CALN1: variants seen among roughly 807,000 people sequenced by gnomAD.
CALN1 encodes the protein calcium-binding protein 8.
A neutral mutation model predicts 30.6 loss-of-function variants in CALN1; 17 were observed. The observed-to-expected ratio is 0.56, with a 90% CI of 0.38 to 0.83. The LOEUF (loss-of-function observed/expected upper bound fraction) is 0.83. CALN1 is among the 40% of genes least tolerant of loss of function. The probability of loss-of-function intolerance (pLI) is 0.00; values close to 1 mark genes in which losing one functional copy is unlikely to be tolerated. For missense variants in CALN1, 291 were observed against 354.9 expected, an observed-to-expected ratio of 0.82 and a Z score of 1.45; for synonymous variants, 156 against 131.4, an observed-to-expected ratio of 1.19 and a Z score of -1.28.
At chr7:72,396,108 G>A (rs965093161) in intron 2 of CALN1, among the ~76,000 whole-genome samples, 6 of 151,460 alleles carry the variant, frequency 4.0e-5, no homozygotes. Context: ...AGATTAAGAA[G>A]GAAGTCAGGC....
At chr7:72,154,799 T>C (rs933434444) in intron 3 of CALN1, among the ~76,000 whole-genome samples, 1 of 152,028 alleles carries the variant, frequency 6.6e-6, no homozygotes, top group East Asian at 1.9e-4. Flanking sequence ...TCCCAATGCT[T>C]TGGGAGGCTG....
intron 2 of CALN1, among the ~76,000 whole-genome samples, chr7:72,346,041 GTATAGA>G (rs1183745178): frequency 1.3e-5 from 2 of 152,122 alleles, no homozygotes; most frequent in African/African-American, 4.8e-5. Context: ...TAAAACAATT[GTATAGA>G]TGTTTAAGAA....
At chr7:72,031,734 A>ATTTTT (rs544026184) in intron 4 of CALN1, among the ~76,000 whole-genome samples, 3 of 114,682 alleles carry the variant, frequency 2.6e-5, no homozygotes, top group Admixed American at 9.9e-5. Context: ...CGCCTGGCTA[A>ATTTTT]TTTTTTTTTT....
intron 5 of CALN1, among the ~76,000 whole-genome samples, chr7:71,970,545 G>A (rs1355469679): frequency 1.3e-5 from 2 of 151,290 alleles, no homozygotes; most frequent in Non-Finnish European, 2.9e-5. Context: ...ATGCAAAATG[G>A]CAACTAGGCT....
intron 5 of CALN1, among the ~76,000 whole-genome samples, chr7:72,015,433 CT>C (rs60001547): frequency 0.2 from 26,922 of 135,942 alleles, 4,379 homozygotes; most frequent in African/African-American, 0.52. Context: ...TTCTTTCTTT[CT>C]TTTTTTTTTT....
At chr7:72,409,667 G>T (rs1033347350) in intron 1 of CALN1, among the ~76,000 whole-genome samples, 3 of 151,906 alleles carry the variant, frequency 2.0e-5, no homozygotes, top group African/African-American at 7.2e-5. Flanking sequence ...CTAATGTTTG[G>T]GAATGGAGAG....
At chr7:72,239,648 G>T (rs554293636) in intron 3 of CALN1, among the ~76,000 whole-genome samples, 2 of 152,104 alleles carry the variant, frequency 1.3e-5, no homozygotes, top group South Asian at 4.2e-4. Flanking sequence ...AGGTGCATGG[G>T]TTTGTAGATC....
intron 5 of CALN1, among the ~76,000 whole-genome samples, chr7:71,864,934 T>C (rs1276241243): frequency 1.3e-5 from 2 of 151,460 alleles, no homozygotes; most frequent in Non-Finnish European, 2.9e-5. Flanking sequence ...GCCTGGGAGG[T>C]GGATGTTGCA....
chr7:72,283,767 G>A (rs1408930278), intron 2 of CALN1, among the ~76,000 whole-genome samples: 1 of 152,172 alleles, frequency 6.6e-6, no homozygotes. Flanking sequence ...CTGTGCTGAG[G>A]GATCAGGTGT....
intron 2 of CALN1, among the ~76,000 whole-genome samples, chr7:72,328,917 G>C (rs1801469428): frequency 6.6e-6 from 1 of 152,232 alleles, no homozygotes; most frequent in South Asian, 2.1e-4. Context: ...GGCTGGTCTT[G>C]AACTCCTGAC....
intron 5 of CALN1, among the ~76,000 whole-genome samples, chr7:72,013,113 A>G (rs529320984): frequency 2.0e-3 from 310 of 152,152 alleles, no homozygotes; most frequent in African/African-American, 6.8e-3. Flanking sequence ...TTATACTCTC[A>G]TATCAACTTT....
Position 72,357,602 on chromosome 7 carries a change from G to A in CALN1, c.119+45649C>T, listed in dbSNP as rs1222031059. ...TTTTAAATACACAAATGAGACTCACGTCAAATCAACGGAATCAGAATCTAC... is the reference window on the plus strand; with the variant it reads ...TTTTAAATACACAAATGAGACTCACATCAAATCAACGGAATCAGAATCTAC... On this transcript the variant is annotated intron_variant, in intron 2 of 6. Coordinates refer to ENST00000395275, the MANE Select transcript of CALN1 (RefSeq NM_031468.4). Among the ~76,000 whole-genome samples, 13 of 151,668 alleles carry A rather than the reference G, an allele frequency of 8.6e-5. No individual in the cohort carries two copies. In the East Asian group the frequency reaches 2.1e-3, roughly 25 times the overall value.
At chr7:72,035,947 T>C (rs369912576) in intron 4 of CALN1, among the ~76,000 whole-genome samples, 1 of 152,240 alleles carries the variant, frequency 6.6e-6, no homozygotes, top group Admixed American at 6.5e-5. Flanking sequence ...TCTTTATTGC[T>C]TCATATGGCT....
chr7:72,003,023 C>T (rs185052983), intron 5 of CALN1, among the ~76,000 whole-genome samples: 11 of 152,136 alleles, frequency 7.2e-5, no homozygotes, highest in South Asian at 4.2e-4. Context: ...ACTTGAAATT[C>T]CTGAGAGATT....
the CALN1 span, among the ~76,000 whole-genome samples, chr7:72,466,766 G>C: frequency 7.3e-6 from 1 of 136,772 alleles, no homozygotes; most frequent in Non-Finnish European, 1.5e-5. Context: ...AAAGAGAAAA[G>C]GAAGGAAAGA....
chr7:71,917,884 C>T (rs1277110775), intron 5 of CALN1, among the ~76,000 whole-genome samples: 1 of 152,148 alleles, frequency 6.6e-6, no homozygotes, highest in African/African-American at 2.4e-5. Context: ...ACGTTGTACA[C>T]ATTGAATATG....
At chr7:71,940,758 C>T (rs959791617) in intron 5 of CALN1, among the ~76,000 whole-genome samples, 7 of 151,974 alleles carry the variant, frequency 4.6e-5, no homozygotes, top group African/African-American at 1.2e-4. Context: ...ACCACAGACA[C>T]AGACCACCAC....
chr7:72,016,726 T>C (rs556495612), intron 5 of CALN1, among the ~76,000 whole-genome samples: 1 of 151,960 alleles, frequency 6.6e-6, no homozygotes, highest in African/African-American at 2.4e-5. Context: ...CTAAAGTCAG[T>C]AATTTTAAAA....
chr7:72,006,068 A>G (rs907006530), intron 5 of CALN1, among the ~76,000 whole-genome samples: 16 of 152,220 alleles, frequency 1.1e-4, no homozygotes, highest in East Asian at 7.7e-4. Context: ...GGTGGAGTGT[A>G]CATGGGATCT....
Sources: gnomAD v4.1 joint callset for allele counts (sites outside exome capture counted in the v4.1 genomes callset) on GRCh38, gnomAD v4.1.1 for gene constraint, MANE v1.5 for transcripts, NCBI Gene and HGNC (gene_info 2026-07-23, HGNC 2026-07-21) for gene names.